Variants in EEF1E1 observed in about 807,000 individuals in gnomAD.
EEF1E1 encodes the protein eukaryotic translation elongation factor 1 epsilon-1.
Under a neutral mutation model 19.9 loss-of-function variants are expected in EEF1E1, and 19 were observed. The observed-to-expected ratio is 0.95, with a 90% CI of 0.66 to 1.40. The LOEUF is 1.40. EEF1E1 is among the 40% of genes most tolerant of loss of function. The pLI is 0.00. For missense variants in EEF1E1, 198 were observed against 202.2 expected, an observed-to-expected ratio of 0.98 and a Z score of 0.13; for synonymous variants, 81 against 80.0, an observed-to-expected ratio of 1.01 and a Z score of -0.07.
At position 8,097,337 on chromosome 6, in the gene EEF1E1, T is replaced by C. The variant is rs1471182796; in HGVS notation, c.218A>G (p.Gln73Arg). The C allele has an allele frequency of 3.7e-6, 6 of 1,614,202 alleles. No homozygotes were observed. The highest frequency in any genetic ancestry group is 4.2e-6 in the Non-Finnish European group (5 of 1,180,032). The change falls in exon 2 of 4, where the codon CAG (glutamine) becomes CGG (arginine). Residue 73 changes from glutamine (Q) to arginine (R), a missense_variant. Physicochemically the swap from Gln to Arg is conservative, Grantham distance 43. Coordinates refer to ENST00000379715, the MANE Select transcript of EEF1E1 (RefSeq NM_004280.5). ...STAEEKAIVQ[Q>R]WLEYRVTQVD... ...TTGAGTGACCCTGTATTCTAACCAC[T>C]GCTGAACGATTGCTTTTTCTTCTGC...
At position 8,086,022 on chromosome 6, in the gene EEF1E1, C is replaced by T. The variant is rs143650224; in HGVS notation, c.384+4164G>A. On this transcript the variant is annotated intron_variant, in intron 3 of 3. Coordinates refer to ENST00000379715, the MANE Select transcript of EEF1E1 (RefSeq NM_004280.5). The stretch of plus-strand genomic sequence containing the variant: ...CATACACAGTGGGCTCTCAATAAAT[C>T]ATTTAAAACTCATAATAGTTTTACA... 1.5e-3 allele frequency among the ~76,000 whole-genome samples: 222 copies of T among 152,192 alleles called. 2 individuals are homozygous for T. Among genetic ancestry groups the T allele is most frequent in the African/African-American group, 5.1e-3 (211 of 41,530 alleles).
At chr6:8,100,188 T>C (rs1029899440) in intron 1 of EEF1E1, among the ~76,000 whole-genome samples, 3 of 152,204 alleles carry the variant, frequency 2.0e-5, no homozygotes, top group African/African-American at 7.2e-5. Flanking sequence ...GGCCTCAAAC[T>C]GTAATTTGGG....
chr6:8,091,786 G>A (rs1758017210), intron 2 of EEF1E1, among the ~76,000 whole-genome samples: 1 of 152,128 alleles, frequency 6.6e-6, no homozygotes, highest in Non-Finnish European at 1.5e-5. Context: ...GCTCCTCTAA[G>A]GACTAGATAT....
At chr6:8,081,813 TAA>T (rs1416441306) in intron 3 of EEF1E1, among the ~76,000 whole-genome samples, 5 of 152,202 alleles carry the variant, frequency 3.3e-5, no homozygotes, top group Non-Finnish European at 7.3e-5. Context: ...GATGTAACAA[TAA>T]GTTTTACTCC....
chr6:8,101,587 G>A (rs938596349), intron 1 of EEF1E1, among the ~76,000 whole-genome samples: 2 of 151,886 alleles, frequency 1.3e-5, no homozygotes, highest in East Asian at 3.9e-4. Flanking sequence ...AAATGAAGAA[G>A]AGAAAAAATT....
downstream of EEF1E1, chr6:8,079,310 T>C (rs1367565338): frequency 8.9e-6 from 6 of 673,444 alleles, no homozygotes; most frequent in African/African-American, 2.0e-5. Context: ...GGAATGTATC[T>C]TACTCCAGTT....
intron 2 of EEF1E1, among the ~76,000 whole-genome samples, chr6:8,091,120 T>C (rs1465623379): frequency 6.6e-6 from 1 of 152,214 alleles, no homozygotes; most frequent in Non-Finnish European, 1.5e-5. Context: ...TTCATAGCAG[T>C]TGCACATTTT....
intron 1 of EEF1E1, among the ~76,000 whole-genome samples, chr6:8,099,253 C>T (rs1478462445): frequency 6.6e-6 from 1 of 152,178 alleles, no homozygotes; most frequent in Non-Finnish European, 1.5e-5. Context: ...CAATGGTGCT[C>T]CCTTAAGATT....
In EEF1E1 at chr6:8,097,369, C is replaced by T; in HGVS notation, c.186G>A (p.Gly62=). ...VKQANKEYLL[G]STAEEKAIVQ... The stretch of plus-strand genomic sequence containing the variant: ...CGATTGCTTTTTCTTCTGCAGTACT[C>T]CCCAGCAAATATTCTTTGTTGGCTT... Residue 62 remains glycine (G), a synonymous_variant, in exon 2 of 4, where the codon GGG becomes GGA. Coordinates refer to ENST00000379715, the MANE Select transcript of EEF1E1 (RefSeq NM_004280.5). 6.2e-7 allele frequency: 1 copy of T among 1,614,138 alleles called. No homozygotes were observed. The highest frequency in any genetic ancestry group is 1.1e-5 in the South Asian group (1 of 91,086).
At chr6:8,077,511 G>C (rs1476488464), downstream of EEF1E1, among the ~76,000 whole-genome samples, 1 of 152,150 alleles carries the variant, frequency 6.6e-6, no homozygotes. Context: ...TGCAGTCTAC[G>C]TTAGCACTTG....
chr6:8,089,353 T>C (rs994778626), intron 3 of EEF1E1, among the ~76,000 whole-genome samples: 6 of 152,050 alleles, frequency 3.9e-5, no homozygotes, highest in African/African-American at 7.2e-5. Flanking sequence ...CATAAATATA[T>C]AAAGGGGAGT....
chr6:8,102,494 G>C lies in EEF1E1; in HGVS notation c.28C>G (p.Leu10Val), dbSNP rs1298905679. 1.9e-6 allele frequency: 3 copies of C among 1,612,128 alleles called. No individual in the cohort carries two copies. Among genetic ancestry groups the C allele is most frequent in the Non-Finnish European group, 2.5e-6 (3 of 1,179,988 alleles). MAAAAELSL[L>V]EKSLGLSKGN... ...TTACTCAGTCCCAGGGACTTCTCCA[G>C]TAGCGACAACTCTGCGGCCGCCGCC... The change falls in exon 1 of 4, where the codon CTG becomes GTG. Residue 10 changes from leucine to valine, a missense_variant. Transcript: ENST00000379715.
At chr6:8,092,868 G>GTTTTTTTTTTTTTTT (rs1554099258) in intron 2 of EEF1E1, among the ~76,000 whole-genome samples, 11 of 108,188 alleles carry the variant, frequency 1.0e-4, no homozygotes, top group Non-Finnish European at 1.3e-4. Flanking sequence ...GATAAAGACT[G>GTTTTTTTTTTTTTTT]CTTTTTTTTT....
At chr6:8,084,062 T>C (rs764033039) in intron 3 of EEF1E1, among the ~76,000 whole-genome samples, 7 of 152,194 alleles carry the variant, frequency 4.6e-5, no homozygotes, top group Non-Finnish European at 8.8e-5. Flanking sequence ...CTTTGACTCA[T>C]GATAGGAACC....
intron 1 of EEF1E1, among the ~76,000 whole-genome samples, chr6:8,100,906 C>G (rs1400042184): frequency 6.8e-6 from 1 of 147,058 alleles, no homozygotes; most frequent in South Asian, 2.2e-4. Flanking sequence ...CTAGATAATA[C>G]TCATATCTTG....
intron 3 of EEF1E1, among the ~76,000 whole-genome samples, chr6:8,085,944 C>G (rs991668389): frequency 6.6e-6 from 1 of 152,108 alleles, no homozygotes; most frequent in Non-Finnish European, 1.5e-5. Context: ...TAATATGCCC[C>G]TGAAAATAGT....
At chr6:8,082,860 AGAAAT>A (rs1246623267) in intron 3 of EEF1E1, among the ~76,000 whole-genome samples, 5 of 152,254 alleles carry the variant, frequency 3.3e-5, no homozygotes, top group Non-Finnish European at 5.9e-5. Flanking sequence ...CTGTAAACAA[AGAAAT>A]GAACAGATTT....
At chr6:8,074,144 C>T (rs17143348) in intron 3 of EEF1E1, among the ~76,000 whole-genome samples, 5,837 of 152,198 alleles carry the variant, frequency 0.038, 144 homozygotes, top group Non-Finnish European at 0.059. Flanking sequence ...CTGGACCATA[C>T]GTTGAACTTA....
intron 2 of EEF1E1, among the ~76,000 whole-genome samples, chr6:8,092,559 A>C (rs1047008072): frequency 6.6e-6 from 1 of 152,226 alleles, no homozygotes; most frequent in African/African-American, 2.4e-5. Flanking sequence ...ATGGACACAA[A>C]TGAGACAGGC....
Sources: allele counts gnomAD v4.1 joint callset (sites outside exome capture counted in the v4.1 genomes callset), GRCh38; gene constraint gnomAD v4.1.1; transcripts MANE v1.5; gene names NCBI Gene and HGNC (gene_info 2026-07-23, HGNC 2026-07-21).